Variants in NEMP2 observed in about 807,000 individuals in gnomAD.
The protein encoded by NEMP2 is nuclear envelope integral membrane protein 2.
A neutral mutation model predicts 54.2 loss-of-function variants in NEMP2; 53 were observed. That is an observed-to-expected ratio of 0.98 (90% CI 0.78 to 1.23). The LOEUF (loss-of-function observed/expected upper bound fraction) is 1.23, where lower values mean the gene tolerates loss of function less well. NEMP2 is among the 50% of genes most tolerant of loss of function. The pLI is 0.00. For synonymous variants in NEMP2, 197 were observed against 190.3 expected, an observed-to-expected ratio of 1.04 and a Z score of -0.29; for missense variants, 455 against 511.3, an observed-to-expected ratio of 0.89 and a Z score of 1.06.
At chr2:190,493,408 G>C in the NEMP2 span, among the ~76,000 whole-genome samples, 1 of 152,114 alleles carries the variant, frequency 6.6e-6, no homozygotes, top group Non-Finnish European at 1.5e-5. Context: ...CCTAAGTAAT[G>C]AGATATACAG....
the NEMP2 span, among the ~76,000 whole-genome samples, chr2:190,496,220 A>G: frequency 1.3e-5 from 2 of 152,150 alleles, no homozygotes; most frequent in Non-Finnish European, 2.9e-5. This position sits in a 1 kb window ranked among gnomAD's most constrained non-coding sequence, Gnocchi z 4.7. Flanking sequence ...ATGGCCAACA[A>G]ACATGAAACA....
In NEMP2 at chr2:190,528,493, G is replaced by A. The variant is rs1691026085; in HGVS notation, c.98-3115C>T. Among the ~76,000 whole-genome samples, 2 of 152,124 alleles carry A rather than the reference G, an allele frequency of 1.3e-5. No individual in the cohort carries two copies. The highest frequency in any genetic ancestry group is 1.3e-4 in the Admixed American group (2 of 15,278). Reference sequence around the variant, plus strand: ...TTGGAAAGGGAGTGCATTCCAGCAGGGCAGGTGAAGAGCATGAAGTCTCAG... The same window carrying A: ...TTGGAAAGGGAGTGCATTCCAGCAGAGCAGGTGAAGAGCATGAAGTCTCAG... On this transcript the variant is annotated intron_variant, in intron 1 of 8. Coordinates refer to ENST00000409150, the MANE Select transcript of NEMP2 (RefSeq NM_001142645.2). This position sits in a 1 kb window ranked among gnomAD's most constrained non-coding sequence, Gnocchi z 4.3.
chr2:190,556,313 T>C, the NEMP2 span, among the ~76,000 whole-genome samples: 1 of 152,196 alleles, frequency 6.6e-6, no homozygotes, highest in African/African-American at 2.4e-5. Flanking sequence ...AAACTAGGCA[T>C]TGATGGAACG....
the NEMP2 span, chr2:190,497,907 G>A: frequency 1.6e-6 from 1 of 612,896 alleles, no homozygotes; most frequent in Non-Finnish European, 2.7e-6. The surrounding 1 kb of genome is among the most constrained non-coding windows in gnomAD (Gnocchi z 5.2). Context: ...GTCCCATAGA[G>A]AGAATATTCT....
the NEMP2 span, among the ~76,000 whole-genome samples, chr2:190,540,420 A>T: frequency 2.0e-5 from 3 of 151,932 alleles, 1 homozygote; most frequent in African/African-American, 7.3e-5. Context: ...AGTAGCTGGG[A>T]CTACAGACGC....
Position 190,531,942 on chromosome 2 carries a change from A to G in NEMP2, c.97+2617T>C, listed in dbSNP as rs952923577. On this transcript the variant is annotated intron_variant, in intron 1 of 8. Transcript: ENST00000409150. This position sits in a 1 kb window ranked among gnomAD's most constrained non-coding sequence, Gnocchi z 4.7. ...CTCCCAACACAAAAATATCTCACCA[A>G]TGTTCCTCCTGAAAACTGACATGGC... Among the ~76,000 whole-genome samples, 11 of 152,042 alleles carry G rather than the reference A, an allele frequency of 7.2e-5. No homozygotes were observed. The highest frequency in any genetic ancestry group is 2.2e-4 in the African/African-American group (9 of 41,430).
At chr2:190,590,510 C>T in the NEMP2 span, among the ~76,000 whole-genome samples, 1 of 152,166 alleles carries the variant, frequency 6.6e-6, no homozygotes, top group Non-Finnish European at 1.5e-5. The surrounding 1 kb of genome is among the most constrained non-coding windows in gnomAD (Gnocchi z 5.1). Flanking sequence ...ATGGTCTCCT[C>T]ATTAACATCT....
downstream of NEMP2, chr2:190,501,997 TCTGATTTATTCCTTTGAAAAGCCTG>T (rs1329766701): frequency 6.5e-6 from 1 of 152,672 alleles, no homozygotes; most frequent in Non-Finnish European, 1.5e-5. Flanking sequence ...TGTTTACAGT[TCTGATTTATTCCTTTGAAAAGCCTG>T]CTGTTTTGGA....
the NEMP2 span, among the ~76,000 whole-genome samples, chr2:190,635,473 C>T: frequency 6.6e-6 from 1 of 152,194 alleles, no homozygotes; most frequent in African/African-American, 2.4e-5. The surrounding 1 kb of genome is among the most constrained non-coding windows in gnomAD (Gnocchi z 4.1). Flanking sequence ...CTTGGCCTCC[C>T]AAAGTGCTCC....
At chr2:190,576,181 A>G in the NEMP2 span, among the ~76,000 whole-genome samples, 3 of 152,022 alleles carry the variant, frequency 2.0e-5, no homozygotes, top group Non-Finnish European at 4.4e-5. Flanking sequence ...ATGCTGCCCA[A>G]GCTAGTCTTG....
At chr2:190,453,169 G>C in the NEMP2 span, among the ~76,000 whole-genome samples, 1 of 152,126 alleles carries the variant, frequency 6.6e-6, no homozygotes, top group Non-Finnish European at 1.5e-5. Flanking sequence ...AAAAGCCAGA[G>C]TTCTTCTGAG....
At chr2:190,545,862 G>A in the NEMP2 span, among the ~76,000 whole-genome samples, 27,258 of 151,652 alleles carry the variant, frequency 0.18, 2,554 homozygotes, top group Middle Eastern at 0.23. Flanking sequence ...TTTGTACTCC[G>A]TATCTGGCTA....
chr2:190,438,408 C>A, the NEMP2 span, among the ~76,000 whole-genome samples: 1 of 152,032 alleles, frequency 6.6e-6, no homozygotes, highest in African/African-American at 2.4e-5. The surrounding 1 kb of genome is among the most constrained non-coding windows in gnomAD (Gnocchi z 5.2). Flanking sequence ...CCCAGCTACT[C>A]GGGAGGCTGA....
chr2:190,554,282 C>T, the NEMP2 span, among the ~76,000 whole-genome samples: 17 of 152,016 alleles, frequency 1.1e-4, no homozygotes, highest in Non-Finnish European at 2.4e-4. This position sits in a 1 kb window ranked among gnomAD's most constrained non-coding sequence, Gnocchi z 5.7. Flanking sequence ...TACCTCAGTG[C>T]GCCTGGAACA....
chr2:190,568,444 GAATTTGTACC>G, the NEMP2 span, among the ~76,000 whole-genome samples: 3 of 152,158 alleles, frequency 2.0e-5, no homozygotes, highest in Non-Finnish European at 4.4e-5. The surrounding 1 kb of genome is among the most constrained non-coding windows in gnomAD (Gnocchi z 4.7). Context: ...GGGAAAATAG[GAATTTGTACC>G]AAAAGTGTCA....
chr2:190,621,660 T>C, the NEMP2 span, among the ~76,000 whole-genome samples: 1 of 151,982 alleles, frequency 6.6e-6, no homozygotes, highest in African/African-American at 2.4e-5. Context: ...AAAGCTACAA[T>C]AATCAAGACA....
the NEMP2 span, among the ~76,000 whole-genome samples, chr2:190,541,919 C>T: frequency 1.3e-5 from 2 of 151,306 alleles, no homozygotes; most frequent in Admixed American, 1.3e-4. This position sits in a 1 kb window ranked among gnomAD's most constrained non-coding sequence, Gnocchi z 5.2. Context: ...CCCATTTCCT[C>T]CTGGCCTGTA....
the NEMP2 span, among the ~76,000 whole-genome samples, chr2:190,576,623 G>C: frequency 6.6e-6 from 1 of 151,124 alleles, no homozygotes; most frequent in Non-Finnish European, 1.5e-5. Context: ...TTTATGGAGC[G>C]GGGTGGGGCG....
the NEMP2 span, among the ~76,000 whole-genome samples, chr2:190,564,747 G>A: frequency 6.6e-6 from 1 of 152,292 alleles, no homozygotes; most frequent in African/African-American, 2.4e-5. The surrounding 1 kb of genome is among the most constrained non-coding windows in gnomAD (Gnocchi z 4.2). Context: ...CTGCCACTAA[G>A]TTTCTAGTTG....
Sources: allele counts gnomAD v4.1 joint callset (sites outside exome capture counted in the v4.1 genomes callset), GRCh38; gene constraint gnomAD v4.1.1; non-coding constraint Gnocchi (gnomAD v3.1); transcripts MANE v1.5; gene names NCBI Gene and HGNC (gene_info 2026-07-23, HGNC 2026-07-21).